ILRUN: variants seen among roughly 807,000 people sequenced by gnomAD.
ILRUN encodes the protein inflammation and lipid regulator with UBA-like and NBR1-like domains.
Under a neutral mutation model 33.8 loss-of-function variants are expected in ILRUN, and 3 were observed. The observed-to-expected ratio is 0.09, with a 90% CI of 0.04 to 0.23. The LOEUF is 0.23. Ranked by LOEUF, ILRUN falls within the 10% of genes least tolerant of loss-of-function variation. The pLI is 1.00. For missense variants in ILRUN, 210 were observed against 375.1 expected (o/e 0.56, Z 3.64); for synonymous variants, 124 against 138.9 (o/e 0.89, Z 0.75).
At chr6:34,617,417 A>G (rs117588603) in intron 3 of ILRUN, among the ~76,000 whole-genome samples, 1 of 152,300 alleles carries the variant, frequency 6.6e-6, no homozygotes, top group East Asian at 1.9e-4. Flanking sequence ...TTGTGAAAAG[A>G]AGGAACTTCC....
At chr6:34,683,568 G>A (rs1763454246) in intron 1 of ILRUN, among the ~76,000 whole-genome samples, 1 of 146,930 alleles carries the variant, frequency 6.8e-6, no homozygotes, top group Non-Finnish European at 1.5e-5. Flanking sequence ...GGCAATCTCA[G>A]CTCCGAATAT....
chr6:34,600,155 C>T (rs1030947308), intron 4 of ILRUN, among the ~76,000 whole-genome samples: 9 of 152,314 alleles, frequency 5.9e-5, no homozygotes, highest in Non-Finnish European at 1.3e-4. Flanking sequence ...TATATCACCC[C>T]TCTATTGAAA....
chr6:34,609,947 A>AGGAGAT (rs1276594136), intron 3 of ILRUN, among the ~76,000 whole-genome samples: 1 of 152,114 alleles, frequency 6.6e-6, no homozygotes, highest in Non-Finnish European at 1.5e-5. Context: ...TCACGAGGTC[A>AGGAGAT]GGAGATCGAG....
intron 1 of ILRUN, 125 bp downstream of exon 1, chr6:34,696,321 G>A (rs1212586844): frequency 3.3e-5 from 34 of 1,033,424 alleles, no homozygotes; most frequent in Non-Finnish European, 4.5e-5. Flanking sequence ...CGTCCTCCCC[G>A]TCCCGGGAAG....
intron 3 of ILRUN, among the ~76,000 whole-genome samples, chr6:34,615,929 C>T (rs1761880809): frequency 6.6e-6 from 1 of 152,166 alleles, no homozygotes; most frequent in African/African-American, 2.4e-5. Flanking sequence ...GCTGAGGCTG[C>T]TTGACTAATC....
At chr6:34,613,011 C>T (rs1761792466) in intron 3 of ILRUN, among the ~76,000 whole-genome samples, 1 of 151,562 alleles carries the variant, frequency 6.6e-6, no homozygotes, top group Non-Finnish European at 1.5e-5. Context: ...CCACTGCACT[C>T]CAGCCTGGGC....
chr6:34,639,157 T>C (rs1223549236), intron 3 of ILRUN, among the ~76,000 whole-genome samples: 1 of 152,226 alleles, frequency 6.6e-6, no homozygotes, highest in Non-Finnish European at 1.5e-5. Flanking sequence ...TTTCCTAACA[T>C]GTGGGACATA....
chr6:34,635,535 AAAAG>A (rs1297474764), intron 3 of ILRUN, among the ~76,000 whole-genome samples: 3 of 145,434 alleles, frequency 2.1e-5, no homozygotes, highest in South Asian at 2.3e-4. Context: ...CTGTCTGAAA[AAAAG>A]AAAGAAAGGA....
intron 3 of ILRUN, among the ~76,000 whole-genome samples, chr6:34,643,893 G>A (rs994391617): frequency 1.1e-4 from 17 of 152,156 alleles, no homozygotes; most frequent in African/African-American, 3.9e-4. Flanking sequence ...GTAGAGACAG[G>A]ATTCCACTAG....
At chr6:34,618,844 C>A (rs573451477) in intron 3 of ILRUN, among the ~76,000 whole-genome samples, 1 of 152,324 alleles carries the variant, frequency 6.6e-6, no homozygotes, top group Admixed American at 6.5e-5. Context: ...GAGATGTATT[C>A]ATTCAATACC....
rs376734281 is a variant in ILRUN, at chr6:34,635,181, C to A, written c.511+11420G>T. Among the ~76,000 whole-genome samples, 10 of 152,018 alleles carry A rather than the reference C, an allele frequency of 6.6e-5. No individual in the cohort carries two copies. The East Asian group carries it at 9.6e-4, about 15-fold the overall frequency. On this transcript the variant is annotated intron_variant, in intron 3 of 4. Coordinates refer to ENST00000374023, the MANE Select transcript of ILRUN (RefSeq NM_024294.4). Reference sequence around the variant, plus strand: ...AAATCTACTGAGCCAAAACCAAACCCACTTTAGAATTAAATTGCTTTCAAG... The same window carrying A: ...AAATCTACTGAGCCAAAACCAAACCAACTTTAGAATTAAATTGCTTTCAAG...
At chr6:34,653,252 A>G (rs534033661) in intron 2 of ILRUN, among the ~76,000 whole-genome samples, 66 of 151,014 alleles carry the variant, frequency 4.4e-4, no homozygotes, top group Middle Eastern at 6.8e-3. Flanking sequence ...TTTTTTTGAG[A>G]TGGAGTCTCA....
chr6:34,663,043 C>T (rs1309907276), intron 1 of ILRUN, among the ~76,000 whole-genome samples: 1 of 151,304 alleles, frequency 6.6e-6, no homozygotes, highest in Non-Finnish European at 1.5e-5. Flanking sequence ...ACAGTGAGCC[C>T]TAATGATGCC....
intron 3 of ILRUN, among the ~76,000 whole-genome samples, chr6:34,632,699 AT>A (rs1762273553): frequency 7.3e-6 from 1 of 136,882 alleles, no homozygotes; most frequent in African/African-American, 2.7e-5. Flanking sequence ...TTTTTTTTGT[AT>A]TTTTAGTAGA....
chr6:34,629,600 A>G (rs962990722), intron 3 of ILRUN, among the ~76,000 whole-genome samples: 1 of 151,976 alleles, frequency 6.6e-6, no homozygotes, highest in Admixed American at 6.6e-5. Context: ...ATTTTTCTTT[A>G]TCTTTGATTT....
At chr6:34,662,049 C>T (rs539352941) in intron 1 of ILRUN, among the ~76,000 whole-genome samples, 1,686 of 122,738 alleles carry the variant, frequency 0.014, 13 homozygotes, top group Middle Eastern at 0.061. Context: ...GGCGTGAACC[C>T]GGGAGGCGGA....
chr6:34,681,879 G>A lies in ILRUN; in HGVS notation c.158+14567C>T, dbSNP rs190643438. Among the ~76,000 whole-genome samples, 246 of 115,968 alleles carry A rather than the reference G, an allele frequency of 2.1e-3. 2 individuals carry two copies. Among genetic ancestry groups the A allele is most frequent in the Middle Eastern group, 7.6e-3 (1 of 132 alleles). The allele number at this position is 115,968 out of a possible 152,430, so 76.1% of individuals were successfully genotyped here. ...TTTTTTTTTTTTTTTTTGAGACAGAGCCTTGCTCTGTCTTCCAGGCTGGAG... is the reference window on the plus strand; with the variant it reads ...TTTTTTTTTTTTTTTTTGAGACAGAACCTTGCTCTGTCTTCCAGGCTGGAG... On this transcript the variant is annotated intron_variant, in intron 1 of 4. Coordinates refer to ENST00000374023, the MANE Select transcript of ILRUN (RefSeq NM_024294.4).
chr6:34,696,646 G>A lies in ILRUN; in HGVS notation c.-43C>T. The A allele has an allele frequency of 6.4e-7, 1 of 1,571,194 alleles. No homozygotes were observed. The highest frequency in any genetic ancestry group is 8.6e-7 in the Non-Finnish European group (1 of 1,162,828). The stretch of plus-strand genomic sequence containing the variant: ...CGCTTCCCCGCCTCTTCACAACCAA[G>A]CCGCCGCCGCGCCGCCGGGCCCGGG... On this transcript the variant is annotated 5_prime_UTR_variant, in exon 1 of 5. Coordinates refer to ENST00000374023, the MANE Select transcript of ILRUN (RefSeq NM_024294.4).
Position 34,643,318 on chromosome 6 carries a change from C to CGTGT in ILRUN, c.511+3279_511+3282dup, listed in dbSNP as rs370000161. ...CCATCTCAAAAAAAAAAAAAAAGTG[C>CGTGT]GTGTGTGTGTGTGTGTTAGTTTTAA... is the stretch of plus-strand genomic sequence containing the variant. On this transcript the variant is annotated intron_variant, in intron 3 of 4. Coordinates refer to ENST00000374023, the MANE Select transcript of ILRUN (RefSeq NM_024294.4). Among the ~76,000 whole-genome samples the CGTGT allele has an allele frequency of 2.8e-3, 418 of 148,802 alleles. 4 individuals carry two copies. The highest frequency in any genetic ancestry group is 9.8e-3 in the African/African-American group (397 of 40,578).
Sources: allele counts gnomAD v4.1 joint callset (sites outside exome capture counted in the v4.1 genomes callset), GRCh38; gene constraint gnomAD v4.1.1; transcripts MANE v1.5; gene names NCBI Gene and HGNC (gene_info 2026-07-23, HGNC 2026-07-21).